EHBP1: variants seen among roughly 807,000 people sequenced by gnomAD.
The protein encoded by EHBP1 is EH domain-binding protein 1.
A neutral mutation model predicts 144.0 loss-of-function variants in EHBP1; 55 were observed. That is an observed-to-expected ratio of 0.38 (90% CI 0.31 to 0.48). The LOEUF is 0.48. EHBP1 is among the 20% of genes least tolerant of loss of function. EHBP1 has a pLI of 0.98. For synonymous variants in EHBP1, 469 were observed against 472.7 expected (o/e 0.99, Z 0.10); for missense variants, 1,200 against 1,364.2 (o/e 0.88, Z 1.90).
chr2:62,695,566 T>C (rs1316885947), intron 1 of EHBP1, among the ~76,000 whole-genome samples: 1 of 152,214 alleles, frequency 6.6e-6, no homozygotes, highest in East Asian at 1.9e-4. Context: ...GGGGAGAGTT[T>C]CCATTTTTGT....
chr2:62,752,701 T>C (rs1024128357), intron 3 of EHBP1, among the ~76,000 whole-genome samples: 1 of 152,180 alleles, frequency 6.6e-6, no homozygotes, highest in African/African-American at 2.4e-5. Flanking sequence ...AGTTAGCTCT[T>C]CTTGTTGAAT....
In EHBP1 at chr2:63,045,428, G is replaced by A; in HGVS notation, c.3411G>A (p.Glu1137=). The change falls in exon 23 of 23, where the codon GAG becomes GAA. Residue 1137 remains glutamate, a synonymous_variant. Coordinates refer to ENST00000431489, the MANE Select transcript of EHBP1 (RefSeq NM_001142616.3). This position sits in a 1 kb window ranked among gnomAD's most constrained non-coding sequence, Gnocchi z 5.7. The part of the protein sequence containing the change: ...AQEKQAEEED[E]HLERTLEQNK... ...CATCCAGGGCCGAAGAAGAAGATGA[G>A]CATTTGGAGCGAACTCTGGAGCAAA... The A allele has an allele frequency of 6.2e-7, 1 of 1,614,158 alleles. No individual in the cohort carries two copies. The highest frequency in any genetic ancestry group is 8.5e-7 in the Non-Finnish European group (1 of 1,180,018).
At position 62,895,980 on chromosome 2, in the gene EHBP1, C is replaced by A. The variant is rs560949543; in HGVS notation, c.1185+21448C>A. Among the ~76,000 whole-genome samples, 4 of 152,144 alleles carry A rather than the reference C, an allele frequency of 2.6e-5. No individual in the cohort carries two copies. In the South Asian group the frequency reaches 8.3e-4, roughly 32 times the overall value. ...TAGTAAATTTAATGTTAGGTGTTTT[C>A]TACTACAATTTAAAAAATATTTATT... On this transcript the variant is annotated intron_variant, in intron 10 of 22. Transcript: ENST00000431489.
chr2:62,901,356 G>A (rs763209849), intron 10 of EHBP1, among the ~76,000 whole-genome samples: 4 of 152,134 alleles, frequency 2.6e-5, no homozygotes, highest in Non-Finnish European at 5.9e-5. Context: ...ATTTAGCATA[G>A]AGAAAAAGGC....
chr2:62,729,829 G>A (rs2037332215), intron 2 of EHBP1, among the ~76,000 whole-genome samples: 1 of 151,622 alleles, frequency 6.6e-6, no homozygotes, highest in South Asian at 2.1e-4. Context: ...ATATGAGAGT[G>A]CCTGTTTCCC....
intron 18 of EHBP1, among the ~76,000 whole-genome samples, chr2:62,994,576 C>T (rs894436722): frequency 6.6e-6 from 1 of 152,054 alleles, no homozygotes; most frequent in African/African-American, 2.4e-5. Context: ...TGATGGACAG[C>T]TGCGGGACAG....
upstream of EHBP1, among the ~76,000 whole-genome samples, chr2:62,702,314 A>G (rs954030166): frequency 3.3e-5 from 5 of 152,354 alleles, no homozygotes; most frequent in African/African-American, 1.2e-4. Flanking sequence ...GCAGTCAACA[A>G]CCTGGGTCAA....
intron 9 of EHBP1, among the ~76,000 whole-genome samples, chr2:62,865,699 G>A (rs1240745040): frequency 1.3e-5 from 2 of 152,122 alleles, no homozygotes; most frequent in Admixed American, 1.3e-4. Flanking sequence ...TTCAGACATT[G>A]GACACAAACA....
At chr2:62,811,465 A>G (rs762631603) in intron 5 of EHBP1, among the ~76,000 whole-genome samples, 1 of 152,226 alleles carries the variant, frequency 6.6e-6, no homozygotes, top group Non-Finnish European at 1.5e-5. Context: ...TCTTTTTATC[A>G]TTTGACAGTA....
chr2:62,814,206 G>T (rs1394753075), intron 5 of EHBP1, among the ~76,000 whole-genome samples: 1 of 152,172 alleles, frequency 6.6e-6, no homozygotes, highest in Non-Finnish European at 1.5e-5. Flanking sequence ...CTTTATGAAT[G>T]CATTAATTTC....
intron 2 of EHBP1, among the ~76,000 whole-genome samples, chr2:62,741,965 G>A (rs1279988569): frequency 1.3e-5 from 2 of 152,094 alleles, no homozygotes; most frequent in South Asian, 2.1e-4. Flanking sequence ...GGTCCCATGA[G>A]ATTATAATAC....
At chr2:62,681,354 A>ATATATATATATATATATATATATG (rs2033515906) in intron 1 of EHBP1, among the ~76,000 whole-genome samples, 1 of 123,012 alleles carries the variant, frequency 8.1e-6, no homozygotes, top group African/African-American at 3.2e-5. Flanking sequence ...ATATATATAT[A>ATATATATATATATATATATATATG]TATATAATGT....
intron 1 of EHBP1, among the ~76,000 whole-genome samples, chr2:62,699,273 G>T (rs575891339): frequency 6.6e-6 from 1 of 152,228 alleles, no homozygotes; most frequent in East Asian, 1.9e-4. Context: ...GTGAAGCAAA[G>T]GTCAGTCTAC....
intron 5 of EHBP1, among the ~76,000 whole-genome samples, chr2:62,791,032 A>G (rs2043135334): frequency 2.0e-5 from 3 of 152,094 alleles, no homozygotes; most frequent in Non-Finnish European, 2.9e-5. Context: ...AGCTAGAAGA[A>G]AACTTAGAAA....
At chr2:62,675,813 T>C (rs4671049) in intron 1 of EHBP1, among the ~76,000 whole-genome samples, 128,339 of 152,202 alleles carry the variant, frequency 0.84, 54,497 homozygotes, top group African/African-American at 0.94. Context: ...AGTGCTGTGG[T>C]GCAATCTTGG....
At chr2:63,007,313 G>A (rs561569847) in intron 19 of EHBP1, among the ~76,000 whole-genome samples, 9 of 151,894 alleles carry the variant, frequency 5.9e-5, no homozygotes, top group African/African-American at 2.2e-4. Context: ...TTTAGTTTTA[G>A]TTGTAACTAT....
intron 19 of EHBP1, among the ~76,000 whole-genome samples, chr2:63,002,227 G>A (rs946672817): frequency 4.6e-5 from 7 of 152,040 alleles, no homozygotes; most frequent in Admixed American, 6.6e-5. Context: ...AGGAATACCC[G>A]AAAATGTTTT....
intron 13 of EHBP1, among the ~76,000 whole-genome samples, chr2:62,951,934 G>C (rs2057415322): frequency 6.6e-6 from 1 of 152,132 alleles, no homozygotes; most frequent in Admixed American, 6.5e-5. Context: ...AGTAAGCCTG[G>C]AATCTCGTTT....
intron 5 of EHBP1, among the ~76,000 whole-genome samples, chr2:62,773,492 A>C (rs1211373608): frequency 1.3e-5 from 2 of 151,904 alleles, no homozygotes; most frequent in African/African-American, 4.8e-5. Flanking sequence ...GCTTCTCAAT[A>C]AATATTTATT....
Sources: gnomAD v4.1 joint callset for allele counts (sites outside exome capture counted in the v4.1 genomes callset) on GRCh38, gnomAD v4.1.1 for gene constraint, Gnocchi (gnomAD v3.1) non-coding constraint, MANE v1.5 for transcripts, NCBI Gene and HGNC (gene_info 2026-07-23, HGNC 2026-07-21) for gene names.